Variants in PLD1 observed in about 807,000 individuals in gnomAD.
The protein encoded by PLD1 is choline phosphatase 1.
PLD1 carries 112 observed loss-of-function variants against 137.1 expected under a neutral mutation model. That is an observed-to-expected ratio of 0.82 (90% confidence interval 0.70 to 0.96). The LOEUF (loss-of-function observed/expected upper bound fraction) is 0.96, where lower values mean the gene tolerates loss of function less well. Ranked by LOEUF, PLD1 falls within the 40% of genes least tolerant of loss-of-function variation. PLD1 has a pLI of 0.00. For missense variants in PLD1, 1,321 were observed against 1,342.0 expected (o/e 0.98, Z 0.24); for synonymous variants, 431 against 454.7 (o/e 0.95, Z 0.66).
chr3:171,658,593 G>T (rs1004631145), intron 21 of PLD1, among the ~76,000 whole-genome samples: 9 of 152,156 alleles, frequency 5.9e-5, no homozygotes, highest in African/African-American at 1.9e-4. Context: ...AAAATGCCCA[G>T]ATTAGGCAAA....
chr3:171,672,321 GACA>G (rs1227016472), intron 19 of PLD1, among the ~76,000 whole-genome samples: 2 of 152,140 alleles, frequency 1.3e-5, no homozygotes, highest in African/African-American at 2.4e-5. Context: ...CATGCAAACG[GACA>G]ACACTTAGTA....
chr3:171,730,463 C>G (rs1254548739), intron 6 of PLD1, among the ~76,000 whole-genome samples: 5 of 151,586 alleles, frequency 3.3e-5, no homozygotes, highest in Admixed American at 2.6e-4. Context: ...TCTTCATAAT[C>G]ATGGGAGAGA....
At position 171,713,925 on chromosome 3, in the gene PLD1, C is replaced by G; in HGVS notation, c.879G>C (p.Thr293=). 1 of 1,613,042 alleles carries G rather than the reference C, an allele frequency of 6.2e-7. No homozygotes were observed. Residue 293 remains threonine, a synonymous_variant, in exon 9 of 27, where the codon ACG becomes ACC. Coordinates refer to ENST00000351298, the MANE Select transcript of PLD1 (RefSeq NM_002662.5). ...GATTATCAATTCGGATTCCATATTT[C>G]GTTTCTGTCTCCTTCTTCCCCACCT... ...KIKVGKKETE[T]KYGIRIDNLS...
At chr3:171,637,821 G>C (rs902248499) in intron 23 of PLD1, among the ~76,000 whole-genome samples, 5 of 152,032 alleles carry the variant, frequency 3.3e-5, no homozygotes, top group Non-Finnish European at 7.4e-5. Context: ...TAACTTAATG[G>C]CAAGTATTTG....
chr3:171,756,032 C>A (rs894831128), intron 1 of PLD1, among the ~76,000 whole-genome samples: 1 of 152,162 alleles, frequency 6.6e-6, no homozygotes, highest in Admixed American at 6.5e-5. Flanking sequence ...TCTCTATATC[C>A]AATCAATTAA....
chr3:171,761,089 G>A (rs964315432), intron 1 of PLD1, among the ~76,000 whole-genome samples: 6 of 152,124 alleles, frequency 3.9e-5, no homozygotes, highest in African/African-American at 7.2e-5. Flanking sequence ...TTAAACACAC[G>A]TATACATGTA....
chr3:171,807,461 A>T (rs962993041), intron 1 of PLD1, among the ~76,000 whole-genome samples: 5 of 152,242 alleles, frequency 3.3e-5, no homozygotes, highest in African/African-American at 1.2e-4. Flanking sequence ...TGACGGTAGC[A>T]CAACGATGTG....
intron 23 of PLD1, among the ~76,000 whole-genome samples, chr3:171,642,434 G>A (rs538882989): frequency 5.5e-4 from 68 of 123,628 alleles, no homozygotes; most frequent in African/African-American, 2.3e-3. Context: ...TCCAGCCTGG[G>A]CAACAAGAAT....
At chr3:171,655,246 G>C (rs1460638262) in intron 21 of PLD1, among the ~76,000 whole-genome samples, 1 of 152,210 alleles carries the variant, frequency 6.6e-6, no homozygotes, top group Non-Finnish European at 1.5e-5. Flanking sequence ...GTAGAGACCA[G>C]AGAAGTCTAT....
chr3:171,637,424 T>G (rs1578158000), intron 23 of PLD1, among the ~76,000 whole-genome samples: 1 of 151,924 alleles, frequency 6.6e-6, no homozygotes, highest in Non-Finnish European at 1.5e-5. Flanking sequence ...TTAGTAGAGA[T>G]GGGTTTCACC....
At chr3:171,636,949 T>C (rs577126986) in intron 23 of PLD1, among the ~76,000 whole-genome samples, 2 of 152,308 alleles carry the variant, frequency 1.3e-5, no homozygotes, top group East Asian at 3.9e-4. Flanking sequence ...TCCAAGTTTG[T>C]TGAGGTTTTT....
chr3:171,769,112 G>T (rs981384653), intron 1 of PLD1, among the ~76,000 whole-genome samples: 1 of 152,084 alleles, frequency 6.6e-6, no homozygotes, highest in Non-Finnish European at 1.5e-5. Flanking sequence ...ACATTTTAAC[G>T]TGTATATTCT....
chr3:171,706,168 A>AT (rs1716680011), intron 11 of PLD1, among the ~76,000 whole-genome samples: 2 of 151,590 alleles, frequency 1.3e-5, no homozygotes, highest in Non-Finnish European at 2.9e-5. Flanking sequence ...CTATCTATCT[A>AT]CAACTGATAT....
intron 23 of PLD1, among the ~76,000 whole-genome samples, chr3:171,625,306 C>T (rs557804689): frequency 4.6e-5 from 7 of 152,344 alleles, no homozygotes; most frequent in African/African-American, 7.2e-5. Flanking sequence ...GGGGGAGGGG[C>T]GCCTGCCATT....
intron 24 of PLD1, among the ~76,000 whole-genome samples, chr3:171,617,680 G>T (rs1291112671): frequency 1.3e-5 from 2 of 152,166 alleles, no homozygotes; most frequent in Non-Finnish European, 2.9e-5. Flanking sequence ...TTTGGTCACA[G>T]ATTTCATGAC....
intron 9 of PLD1, among the ~76,000 whole-genome samples, chr3:171,713,225 C>G (rs552954344): frequency 1.3e-5 from 2 of 152,130 alleles, no homozygotes; most frequent in African/African-American, 4.8e-5. Context: ...TGTGGAAGGC[C>G]GAGGCAGACA....
intron 1 of PLD1, among the ~76,000 whole-genome samples, chr3:171,754,347 T>G (rs1469092760): frequency 6.6e-6 from 1 of 152,224 alleles, no homozygotes; most frequent in East Asian, 1.9e-4. Context: ...TGTACACATA[T>G]CTCTTAATTT....
At chr3:171,737,108 A>G (rs974106152) in intron 3 of PLD1, among the ~76,000 whole-genome samples, 8 of 152,256 alleles carry the variant, frequency 5.3e-5, no homozygotes, top group African/African-American at 1.9e-4. Context: ...CTTAAGAGCC[A>G]GGTAGCACCA....
intron 1 of PLD1, among the ~76,000 whole-genome samples, chr3:171,794,192 A>G (rs188989071): frequency 2.0e-5 from 3 of 152,032 alleles, no homozygotes; most frequent in African/African-American, 7.2e-5. Flanking sequence ...TTTGAGAGAG[A>G]GAGAAAAAGA....
Sources: gnomAD v4.1 joint callset for allele counts (sites outside exome capture counted in the v4.1 genomes callset) on GRCh38, gnomAD v4.1.1 for gene constraint, MANE v1.5 for transcripts, NCBI Gene and HGNC (gene_info 2026-07-23, HGNC 2026-07-21) for gene names.